SENP1: variants seen among roughly 807,000 people sequenced by gnomAD.
The protein encoded by SENP1 is sentrin-specific protease 1.
In SENP1, 21 loss-of-function variants were observed where a neutral mutation model predicts 93.0. That is an observed-to-expected ratio of 0.23 (90% CI 0.16 to 0.33). SENP1 has a LOEUF of 0.33. SENP1 is among the 10% of genes least tolerant of loss of function. The probability of loss-of-function intolerance (pLI) is 1.00; values close to 1 mark genes in which losing one functional copy is unlikely to be tolerated. For missense variants in SENP1, 591 were observed against 758.7 expected (o/e 0.78, Z 2.60); for synonymous variants, 256 against 259.6 (o/e 0.99, Z 0.13).
chr12:48,045,441 C>T, intron 17 of SENP1, 57 bp from the exon 18 acceptor site: 1 of 1,416,890 alleles, frequency 7.1e-7, no homozygotes, highest in Non-Finnish European at 1.0e-6. Flanking sequence ...ACCTGATACG[C>T]CTTTCCCCAT....
chr12:48,055,812 C>T (rs1397640218), intron 13 of SENP1, among the ~76,000 whole-genome samples: 1 of 140,774 alleles, frequency 7.1e-6, no homozygotes, highest in Non-Finnish European at 1.5e-5. Flanking sequence ...TAAAATATAT[C>T]ATATTAATAT....
rs117946119 is a variant in SENP1, at chr12:48,091,766, C to G, written c.221-2806G>C. ...CCATCATGGCTCACTGCAGCCTTGA[C>G]CTCCCAGGCTCAAGAGATGCTCCCA... On this transcript the variant is annotated intron_variant, in intron 4 of 17. Coordinates refer to ENST00000549518, the MANE Select transcript of SENP1 (RefSeq NM_001267594.2). Among the ~76,000 whole-genome samples, 320 of 152,160 alleles carry G rather than the reference C, an allele frequency of 2.1e-3. 9 individuals are homozygous for G. The East Asian group carries it at 0.058, about 27-fold the overall frequency.
chr12:48,065,774 C>T (rs1187640815), intron 10 of SENP1, 94 bp from the exon 11 acceptor site: 2 of 742,798 alleles, frequency 2.7e-6, no homozygotes, highest in South Asian at 1.8e-5. Context: ...AGGACCCTCA[C>T]AAAGAAAGTC....
intron 2 of SENP1, among the ~76,000 whole-genome samples, chr12:48,100,023 G>A (rs1945817626): frequency 6.6e-6 from 1 of 152,016 alleles, no homozygotes; most frequent in South Asian, 2.1e-4. Context: ...GAGAGAAAAT[G>A]GAAACAAATG....
chr12:48,073,590 G>T (rs748393440), intron 8 of SENP1, among the ~76,000 whole-genome samples: 1 of 152,114 alleles, frequency 6.6e-6, no homozygotes, highest in Non-Finnish European at 1.5e-5. Context: ...GGAAATTAAG[G>T]AAACAAACCT....
intron 4 of SENP1, among the ~76,000 whole-genome samples, chr12:48,095,584 A>T (rs1226788916): frequency 6.6e-6 from 1 of 151,134 alleles, no homozygotes; most frequent in African/African-American, 2.4e-5. Context: ...TTTCAATGGT[A>T]TAACTGGTAT....
At chr12:48,088,494 G>A (rs1304417761) in intron 5 of SENP1, 1 of 328,658 alleles carries the variant, frequency 3.0e-6, no homozygotes, top group Non-Finnish European at 5.6e-6. Context: ...CTCAAATTGT[G>A]GAGATTGACT....
chr12:48,087,947 A>C (rs1944991878), intron 5 of SENP1, among the ~76,000 whole-genome samples: 1 of 152,228 alleles, frequency 6.6e-6, no homozygotes, highest in Non-Finnish European at 1.5e-5. Context: ...AAAATATCTG[A>C]GGGAAAAGTT....
At chr12:48,052,915 G>A (rs1941924428) in intron 13 of SENP1, among the ~76,000 whole-genome samples, 1 of 152,092 alleles carries the variant, frequency 6.6e-6, no homozygotes, top group African/African-American at 2.4e-5. Context: ...ACACGTAAGT[G>A]TACAGCAATG....
chr12:48,064,802 G>A (rs1943187106), intron 12 of SENP1, among the ~76,000 whole-genome samples: 1 of 152,026 alleles, frequency 6.6e-6, no homozygotes, highest in Non-Finnish European at 1.5e-5. Context: ...TCAGCCTCCT[G>A]TGTAGCTGGG....
chr12:48,067,036 A>T, intron 9 of SENP1, 71 bp from the exon 10 acceptor site: 1 of 1,000,982 alleles, frequency 1.0e-6, no homozygotes, highest in Non-Finnish European at 1.5e-6. Context: ...ATTTTCATCA[A>T]TAAAAACAAT....
intron 9 of SENP1, among the ~76,000 whole-genome samples, chr12:48,069,174 AAAAAG>A (rs1200649281): frequency 7.9e-5 from 12 of 151,026 alleles, no homozygotes; most frequent in South Asian, 2.1e-4. Flanking sequence ...AAAAAAAAAA[AAAAAG>A]AAAGAAAGAA....
intron 13 of SENP1, among the ~76,000 whole-genome samples, chr12:48,051,427 C>T (rs190887610): frequency 1.1e-4 from 17 of 152,288 alleles, no homozygotes; most frequent in Middle Eastern, 3.4e-3. Context: ...TTCATTTCCC[C>T]TAGATCCCAG....
At position 48,076,927 on chromosome 12, in the gene SENP1, G is replaced by A. The variant is rs542438839; in HGVS notation, c.553-2134C>T. On this transcript the variant is annotated intron_variant, in intron 6 of 17. Transcript: ENST00000549518. ...CCCAAAGTGCTGGGATTAAAGGCGT[G>A]AGCCACGGCGCCCAGCCACCAATTT... Among the ~76,000 whole-genome samples, 38 of 152,332 alleles carry A rather than the reference G, an allele frequency of 2.5e-4. No individual in the cohort carries two copies. The South Asian group carries it at 4.1e-3, about 17-fold the overall frequency.
chr12:48,060,448 G>A (rs1351454077), intron 13 of SENP1, among the ~76,000 whole-genome samples: 1 of 152,180 alleles, frequency 6.6e-6, no homozygotes, highest in Non-Finnish European at 1.5e-5. Context: ...GATTCCAGAA[G>A]TCATCCAATT....
intron 13 of SENP1, among the ~76,000 whole-genome samples, chr12:48,051,273 C>A (rs1376232934): frequency 6.6e-6 from 1 of 152,086 alleles, no homozygotes; most frequent in Non-Finnish European, 1.5e-5. Flanking sequence ...GAACAGAGAA[C>A]CCCAGTCATC....
rs1565789839 is a variant in SENP1, at chr12:48,083,764, T to A, written c.381-2A>T. The A allele has an allele frequency of 6.3e-7, 1 of 1,586,826 alleles. No individual in the cohort carries two copies. Among genetic ancestry groups the A allele is most frequent in the South Asian group, 1.2e-5 (1 of 85,696 alleles). ...CCCGCAAAACTGTTTGATAATCCAC[T>A]AAAAAAAGAGTTTGTAAGAAAGATA... On this transcript the variant is annotated splice_acceptor_variant, in intron 5 of 17. Coordinates refer to ENST00000549518, the MANE Select transcript of SENP1 (RefSeq NM_001267594.2). LOFTEE classifies it high-confidence loss of function.
intron 13 of SENP1, among the ~76,000 whole-genome samples, chr12:48,058,328 G>C (rs756998388): frequency 1.3e-4 from 20 of 152,130 alleles, no homozygotes; most frequent in African/African-American, 2.9e-4. Context: ...TGTTGACGTA[G>C]ATAATTTACA....
Position 48,044,859 on chromosome 12 carries a change from TGTGTGTGTGG to T in SENP1, c.*453_*462del, listed in dbSNP as rs972761136. The T allele has an allele frequency of 2.5e-5, 4 of 161,216 alleles. No homozygotes were observed. The highest frequency in any genetic ancestry group is 1.8e-4 in the South Asian group (1 of 5,462). The allele number at this position is 161,216 out of a possible 1,614,324, so 10.0% of individuals were successfully genotyped here. A position where few individuals can be genotyped will look rare whatever the true frequency, so the allele number is the denominator to read the frequency against. On this transcript the variant is annotated 3_prime_UTR_variant, in exon 18 of 18. Coordinates refer to ENST00000549518, the MANE Select transcript of SENP1 (RefSeq NM_001267594.2). ...TGAAAATTGTGTGTGTGTGTGTGTT[TGTGTGTGTGG>T]GTGTGTGTGTATGTCCATGTATATG...
Sources: gnomAD v4.1 joint callset for allele counts (sites outside exome capture counted in the v4.1 genomes callset) on GRCh38, gnomAD v4.1.1 for gene constraint, MANE v1.5 for transcripts, NCBI Gene and HGNC (gene_info 2026-07-23, HGNC 2026-07-21) for gene names.